Variants in EPS8L2 observed in about 807,000 individuals in gnomAD.
EPS8L2 encodes the protein epidermal growth factor receptor kinase substrate 8-like protein 2.
In EPS8L2, 81 loss-of-function variants were observed where a neutral mutation model predicts 99.4. That is an observed-to-expected ratio of 0.82 (90% confidence interval 0.68 to 0.98). The LOEUF (loss-of-function observed/expected upper bound fraction) is 0.98. Among genes scored for constraint, EPS8L2 ranks in the 50% least tolerant of loss-of-function variants. The pLI, the probability that EPS8L2 is intolerant of heterozygous loss-of-function variation, is 0.00. For synonymous variants in EPS8L2, 509 were observed against 407.3 expected, an observed-to-expected ratio of 1.25 and a Z score of -3.01; for missense variants, 1,155 against 968.8, an observed-to-expected ratio of 1.19 and a Z score of -2.55.
intron 20 of EPS8L2, 67 bp from the exon 21 acceptor site, chr11:726,834 A>G (rs970112271): frequency 1.3e-4 from 207 of 1,588,402 alleles, no homozygotes; most frequent in Non-Finnish European, 1.7e-4. Flanking sequence ...GTCGCAGAGC[A>G]AGGGGGAGGC....
chr11:714,912 A>G (rs1353857221), intron 4 of EPS8L2, among the ~76,000 whole-genome samples: 1 of 152,058 alleles, frequency 6.6e-6, no homozygotes, highest in East Asian at 1.9e-4. Context: ...GTTTTATAAA[A>G]TGGGTGGGGA....
At position 727,697 on chromosome 11, in the gene EPS8L2, T is replaced by G. The variant is rs1461052351; in HGVS notation, c.*716T>G. The G allele has an allele frequency of 6.5e-6, 1 of 152,766 alleles. No homozygotes were observed. Among genetic ancestry groups the G allele is most frequent in the Middle Eastern group, 2.6e-3 (1 of 382 alleles). The allele number at this position is 152,766 out of a possible 1,614,324, so 9.5% of individuals were successfully genotyped here. A position where few individuals can be genotyped will look rare whatever the true frequency, so the allele number is the denominator to read the frequency against. On this transcript the variant is annotated 3_prime_UTR_variant, in exon 21 of 21. Coordinates refer to ENST00000318562, the MANE Select transcript of EPS8L2 (RefSeq NM_022772.4). ...TGAGAGGTGGCTGAGGCACCAGGGC[T>G]AAGCAATTAAACCAGTTAAGTCTCC...
At position 720,897 on chromosome 11, in the gene EPS8L2, C is replaced by T. The variant is rs973254815; in HGVS notation, c.545C>T (p.Pro182Leu). The T allele has an allele frequency of 1.3e-5, 18 of 1,409,720 alleles. No homozygotes were observed. Among genetic ancestry groups the T allele is most frequent in the African/African-American group, 1.7e-5 (1 of 59,006 alleles). The allele number at this position is 1,409,720 out of a possible 1,614,324, so 87.3% of individuals were successfully genotyped here. ...ADCRLGKKMRPQTLKGHQEKI... is the reference protein window; with the variant it reads ...ADCRLGKKMRLQTLKGHQEKI... ...TGCCGGCTGGGCAAGAAGATGCGGC[C>T]GCAGACCCTGAAGTAGGGCAGCGGG... The change falls in exon 7 of 21, where the codon CCG becomes CTG. Residue 182 changes from proline (P) to leucine (L), a missense_variant. Physicochemically the swap from Pro to Leu is moderately conservative, Grantham distance 98. Coordinates refer to ENST00000318562, the MANE Select transcript of EPS8L2 (RefSeq NM_022772.4).
At chr11:725,648 C>T (rs1205350431) in intron 16 of EPS8L2, 80 bp from the exon 17 acceptor site, 6 of 1,257,132 alleles carry the variant, frequency 4.8e-6, no homozygotes, top group African/African-American at 4.7e-5. Context: ...GCGCTCCCGA[C>T]CTCTGTAAAG....
chr11:722,850 C>T, intron 14 of EPS8L2, 45 bp downstream of exon 14: 2 of 1,377,714 alleles, frequency 1.5e-6, no homozygotes, highest in Non-Finnish European at 1.9e-6. Context: ...CCCCAACACC[C>T]ACTCCTCACC....
At chr11:715,857 C>A (rs1253039347) in intron 4 of EPS8L2, among the ~76,000 whole-genome samples, 2 of 151,670 alleles carry the variant, frequency 1.3e-5, no homozygotes, top group African/African-American at 2.4e-5. Flanking sequence ...CATGACCTCA[C>A]GATCCGCCTG....
chr11:707,348 C>T (rs578126056), intron 1 of EPS8L2, among the ~76,000 whole-genome samples: 61 of 152,308 alleles, frequency 4.0e-4, no homozygotes, highest in African/African-American at 1.2e-3. Flanking sequence ...CCCCACCCAG[C>T]GCCTATGAGG....
In EPS8L2 at chr11:724,587, C is replaced by G. The variant is rs984928198; in HGVS notation, c.1455-137C>G. 1.2e-4 allele frequency: 78 copies of G among 640,952 alleles called. No individual in the cohort carries two copies. The highest frequency in any genetic ancestry group is 1.0e-4 in the Admixed American group (4 of 39,974). 39.7% of individuals were successfully genotyped at this position (640,952 alleles called of 1,614,324 possible). A position where few individuals can be genotyped will look rare whatever the true frequency, so the allele number is the denominator to read the frequency against. The stretch of plus-strand genomic sequence containing the variant: ...ATTCCGGGCTGACGCTGCCTGCAGC[C>G]TCTCTCCACGGTGACCTCCAGAACA... On this transcript the variant is annotated intron_variant, in intron 15 of 20. Coordinates refer to ENST00000318562, the MANE Select transcript of EPS8L2 (RefSeq NM_022772.4). The surrounding 1 kb of genome is among the most constrained non-coding windows in gnomAD (Gnocchi z 5.5).
chr11:709,235 C>CCCAGG, intron 1 of EPS8L2, 95 bp from the exon 2 acceptor site: 1 of 788,150 alleles, frequency 1.3e-6, no homozygotes, highest in South Asian at 1.8e-5. Flanking sequence ...GGGACCCCCA[C>CCCAGG]CCAGGCCAGG....
chr11:709,738 G>A, intron 3 of EPS8L2, 130 bp downstream of exon 3: 1 of 1,094,868 alleles, frequency 9.1e-7, no homozygotes. Flanking sequence ...TGCCCAGGGA[G>A]GCCTCTGGAC....
chr11:715,254 AG>A (rs1226526331), intron 4 of EPS8L2, among the ~76,000 whole-genome samples: 1 of 151,644 alleles, frequency 6.6e-6, no homozygotes, highest in Admixed American at 6.6e-5. Flanking sequence ...AAAAAAAAAA[AG>A]AGTTTGTGAA....
intron 6 of EPS8L2, 31 bp from the exon 7 acceptor site, chr11:720,799 C>T (rs1231780983): frequency 1.3e-6 from 2 of 1,543,240 alleles, no homozygotes; most frequent in Non-Finnish European, 1.7e-6. Context: ...CGCGCCCCGC[C>T]CTCCTGGCCG....
rs369980193 is a variant in EPS8L2 at position 711,383 on chromosome 11, G to A, written c.165+897G>A. Among the ~76,000 whole-genome samples the A allele has an allele frequency of 4.6e-5, 7 of 151,670 alleles. No individual in the cohort carries two copies. In the South Asian group the frequency reaches 1.0e-3, roughly 23 times the overall value. On this transcript the variant is annotated intron_variant, in intron 4 of 20. Transcript: ENST00000318562. ...GACAGGGTCTAGCTCTGTCACCCAG[G>A]TGCCCAGGCTGGAGTGCAGTGGTGC...
In EPS8L2 at chr11:726,993, T is replaced by C. The variant is rs773334460; in HGVS notation, c.*12T>C. The C allele has an allele frequency of 6.2e-6, 10 of 1,600,646 alleles. No individual in the cohort carries two copies. The highest frequency in any genetic ancestry group is 7.7e-6 in the Non-Finnish European group (9 of 1,169,180). ...GGGAGGACAGCTAGGCCCAGCTGCC[T>C]TGGGCTGGGGCCTGCGGAGGGGAAG... is the stretch of plus-strand genomic sequence containing the variant. On this transcript the variant is annotated 3_prime_UTR_variant, in exon 21 of 21. Transcript: ENST00000318562.
At chr11:710,606 G>T (rs1458214645) in intron 4 of EPS8L2, 120 bp downstream of exon 4, 15 of 1,003,978 alleles carry the variant, frequency 1.5e-5, no homozygotes, top group Non-Finnish European at 2.3e-5. Flanking sequence ...GTGCCGGCCT[G>T]TAGGCCCTGC....
At position 724,878 on chromosome 11, in the gene EPS8L2, T is replaced by C; in HGVS notation, c.1560+49T>C. On this transcript the variant is annotated intron_variant, in intron 16 of 20. Coordinates refer to ENST00000318562, the MANE Select transcript of EPS8L2 (RefSeq NM_022772.4). The surrounding 1 kb of genome is among the most constrained non-coding windows in gnomAD (Gnocchi z 5.5). ...CAAGAGGGGGAAACAGGGCAGGGCT[T>C]CAAGGGAGGGGCTACCAGGGGAGGT... is the stretch of plus-strand genomic sequence containing the variant. The C allele has an allele frequency of 7.1e-7, 1 of 1,405,460 alleles. No homozygotes were observed. Among genetic ancestry groups the C allele is most frequent in the Non-Finnish European group, 1.0e-6 (1 of 994,626 alleles). 87.1% of individuals were successfully genotyped at this position (1,405,460 alleles called of 1,614,324 possible).
rs568595157 is a variant in EPS8L2, at chr11:725,937, G to T, written c.1680+90G>T. 199 of 1,384,166 alleles carry T rather than the reference G, an allele frequency of 1.4e-4. 1 individual carries two copies. The African/African-American group carries it at 2.9e-3, about 20-fold the overall frequency. 85.7% of individuals were successfully genotyped at this position (1,384,166 alleles called of 1,614,324 possible). Reference sequence around the variant, plus strand: ...AGCCCCGCCCCAAGGCCAGCCCCGCGGCTGGAGAGACTGGGGCAGGTGCAG... The same window carrying T: ...AGCCCCGCCCCAAGGCCAGCCCCGCTGCTGGAGAGACTGGGGCAGGTGCAG... On this transcript the variant is annotated intron_variant, in intron 17 of 20. Transcript: ENST00000318562.
chr11:717,811 C>T (rs1862059182), intron 4 of EPS8L2, among the ~76,000 whole-genome samples: 1 of 148,108 alleles, frequency 6.8e-6, no homozygotes, highest in African/African-American at 2.5e-5. Context: ...AGATGGAGAC[C>T]ATCCTGGCTA....
rs149377131 is a variant in EPS8L2, at chr11:722,462, G to T, written c.1121G>T (p.Arg374Leu). The T allele has an allele frequency of 5.0e-6, 8 of 1,613,482 alleles. No individual in the cohort carries two copies. In the South Asian group the frequency reaches 8.8e-5, roughly 18 times the overall value. The change falls in exon 13 of 21, where the codon CGA (arginine) becomes CTA (leucine). Residue 374 changes from arginine (R) to leucine (L), a missense_variant. Transcript: ENST00000318562. ...ARSVSCPLLS[R>L]DAVDFLRGHL... is the part of the protein sequence containing the mutation. ...TCCGTCTCCTGCCCACTGCTCTCCC[G>T]AGATGCCGTGGACTTCCTGCGCGGC...
Sources: allele counts gnomAD v4.1 joint callset (sites outside exome capture counted in the v4.1 genomes callset), GRCh38; gene constraint gnomAD v4.1.1; non-coding constraint Gnocchi (gnomAD v3.1); transcripts MANE v1.5; gene names NCBI Gene and HGNC (gene_info 2026-07-23, HGNC 2026-07-21).